The following PTPRD variants were observed in gnomAD, a reference collection of about 807,000 sequenced individuals.
The protein encoded by PTPRD is protein tyrosine phosphatase receptor type D, also known as receptor-type tyrosine-protein phosphatase delta.
PTPRD carries 34 observed loss-of-function variants against 214.5 expected under a neutral mutation model. The ratio of observed to expected loss-of-function variants is 0.16; its 90% CI spans 0.12 to 0.21. The LOEUF is 0.21. Ranked by LOEUF, PTPRD falls within the 10% of genes least tolerant of loss-of-function variation. The probability of loss-of-function intolerance (pLI) is 1.00; values close to 1 mark genes in which losing one functional copy is unlikely to be tolerated. For missense variants in PTPRD, 2,545 were observed against 2,398.7 expected, an observed-to-expected ratio of 1.06 and a Z score of -1.27; for synonymous variants, 1,128 against 845.7, an observed-to-expected ratio of 1.33 and a Z score of -5.79.
chr9:8,511,377 C>G (rs1051214101), intron 21 of PTPRD, among the ~76,000 whole-genome samples: 1 of 152,140 alleles, frequency 6.6e-6, no homozygotes, highest in Admixed American at 6.5e-5. Context: ...CGCCTTCTTA[C>G]ACACAGATAT....
chr9:10,231,725 T>G (rs2154356555), intron 3 of PTPRD, among the ~76,000 whole-genome samples: 1 of 152,076 alleles, frequency 6.6e-6, no homozygotes, highest in Admixed American at 6.6e-5. Context: ...TGTGATAATT[T>G]GAAAATTATT....
intron 7 of PTPRD, among the ~76,000 whole-genome samples, chr9:9,622,733 T>C (rs2095288106): frequency 6.6e-6 from 1 of 152,212 alleles, no homozygotes; most frequent in Non-Finnish European, 1.5e-5. Flanking sequence ...GCAAGGAGCA[T>C]TTTTAAAGAT....
At chr9:10,587,285 A>G (rs2074171926) in intron 2 of PTPRD, among the ~76,000 whole-genome samples, 2 of 152,086 alleles carry the variant, frequency 1.3e-5, no homozygotes, top group Non-Finnish European at 2.9e-5. Context: ...AGGAAACACT[A>G]AAATATTTTT....
chr9:9,115,011 C>A (rs868307557), intron 10 of PTPRD, among the ~76,000 whole-genome samples: 3 of 151,994 alleles, frequency 2.0e-5, no homozygotes, highest in Non-Finnish European at 4.4e-5. Context: ...TAGAGAGGAC[C>A]GTGTATAAGG....
At chr9:8,949,648 A>T (rs1294977774) in intron 11 of PTPRD, among the ~76,000 whole-genome samples, 4 of 152,144 alleles carry the variant, frequency 2.6e-5, no homozygotes, top group African/African-American at 9.7e-5. Context: ...TTTGGTTCTC[A>T]TTATGACATC....
At chr9:9,156,474 A>G (rs2099881291) in intron 10 of PTPRD, among the ~76,000 whole-genome samples, 1 of 151,542 alleles carries the variant, frequency 6.6e-6, no homozygotes, top group South Asian at 2.1e-4. Flanking sequence ...ATAAGTATAT[A>G]TTAATTAAAA....
Position 8,339,053 on chromosome 9 carries a change from A to C in PTPRD, c.5254-6T>G. The C allele has an allele frequency of 6.2e-7, 1 of 1,609,896 alleles. No homozygotes were observed. The highest frequency in any genetic ancestry group is 8.5e-7 in the Non-Finnish European group (1 of 1,177,304). On this transcript the variant is annotated splice_region_variant and splice_polypyrimidine_tract_variant and intron_variant, in intron 42 of 45. Transcript: ENST00000381196. ...CAGTATTGGTGACATTTCTCCTAAA[A>C]GGAGAGAAGATTAATGTTAAACTAT...
intron 3 of PTPRD, among the ~76,000 whole-genome samples, chr9:10,059,510 G>C (rs867698367): frequency 3.9e-5 from 6 of 151,942 alleles, no homozygotes; most frequent in African/African-American, 1.2e-4. Flanking sequence ...AGCATACTTT[G>C]GTATATATTA....
At chr9:10,060,916 C>A (rs1441458571) in intron 3 of PTPRD, among the ~76,000 whole-genome samples, 1 of 115,660 alleles carries the variant, frequency 8.6e-6, no homozygotes, top group Admixed American at 8.4e-5. Flanking sequence ...TTCTTTCTTT[C>A]TTTCTTTCTT....
intron 11 of PTPRD, among the ~76,000 whole-genome samples, chr9:8,985,015 A>C (rs1194685677): frequency 6.6e-6 from 1 of 152,080 alleles, no homozygotes; most frequent in Non-Finnish European, 1.5e-5. Flanking sequence ...GATCCATTTA[A>C]TTCTAACCTT....
At chr9:9,957,137 C>CA (rs1329630029) in intron 4 of PTPRD, among the ~76,000 whole-genome samples, 1 of 151,992 alleles carries the variant, frequency 6.6e-6, no homozygotes, top group Non-Finnish European at 1.5e-5. Flanking sequence ...TTTGACTCCA[C>CA]AAAAAATAAA....
chr9:10,175,456 T>C (rs142724055), intron 3 of PTPRD, among the ~76,000 whole-genome samples: 18 of 152,154 alleles, frequency 1.2e-4, no homozygotes, highest in African/African-American at 3.9e-4. Flanking sequence ...AATATAACAT[T>C]AAATATGGTT....
chr9:9,229,146 C>A (rs999544536), intron 9 of PTPRD, among the ~76,000 whole-genome samples: 3 of 151,984 alleles, frequency 2.0e-5, no homozygotes, highest in East Asian at 1.9e-4. Context: ...CATTTTATTG[C>A]TATATTCTTG....
chr9:10,172,439 A>C (rs2099215120), intron 3 of PTPRD, among the ~76,000 whole-genome samples: 1 of 152,240 alleles, frequency 6.6e-6, no homozygotes, highest in Admixed American at 6.5e-5. Flanking sequence ...TAACAAATCA[A>C]GTAGTTGAAA....
At chr9:8,796,111 C>G (rs536026916) in intron 11 of PTPRD, among the ~76,000 whole-genome samples, 2 of 152,126 alleles carry the variant, frequency 1.3e-5, no homozygotes, top group African/African-American at 4.8e-5. Flanking sequence ...TGTTGGTAGC[C>G]ACAGCAGAAA....
intron 36 of PTPRD, among the ~76,000 whole-genome samples, chr9:8,398,768 G>A (rs1313932284): frequency 6.6e-6 from 1 of 152,084 alleles, no homozygotes; most frequent in Non-Finnish European, 1.5e-5. Flanking sequence ...TGGACAGACT[G>A]GGCCCTCACC....
chr9:9,852,114 T>G (rs968450833), intron 5 of PTPRD, among the ~76,000 whole-genome samples: 2 of 152,128 alleles, frequency 1.3e-5, no homozygotes, highest in African/African-American at 4.8e-5. Flanking sequence ...CATTAAAATG[T>G]TCTCGGAAAG....
intron 9 of PTPRD, among the ~76,000 whole-genome samples, chr9:9,281,582 C>T (rs1947714193): frequency 1.3e-5 from 2 of 151,164 alleles, no homozygotes; most frequent in African/African-American, 4.8e-5. Flanking sequence ...GTCCACAATG[C>T]AAAATATTAA....
chr9:10,306,831 A>G (rs1195781891), intron 3 of PTPRD, among the ~76,000 whole-genome samples: 7 of 152,078 alleles, frequency 4.6e-5, no homozygotes. Flanking sequence ...GTATTATCTC[A>G]TTGGCATCCT....
Sources: gnomAD v4.1 joint callset for allele counts (sites outside exome capture counted in the v4.1 genomes callset) on GRCh38, gnomAD v4.1.1 for gene constraint, MANE v1.5 for transcripts, NCBI Gene and HGNC (gene_info 2026-07-23, HGNC 2026-07-21) for gene names.